VSTM2B: variants seen among roughly 807,000 people sequenced by gnomAD.
VSTM2B encodes V-set and transmembrane domain-containing protein 2B.
In VSTM2B, 24 loss-of-function variants were observed where a neutral mutation model predicts 24.0. The observed-to-expected ratio is 1.00, with a 90% CI of 0.72 to 1.40. The LOEUF is 1.40. Ranked by LOEUF, VSTM2B falls within the 40% of genes most tolerant of loss-of-function variation. VSTM2B has a pLI of 0.00. For synonymous variants in VSTM2B, 226 were observed against 194.4 expected (o/e 1.16, Z -1.35); for missense variants, 399 against 416.4 (o/e 0.96, Z 0.36).
intron 4 of VSTM2B, among the ~76,000 whole-genome samples, chr19:29,537,329 T>C (rs1969913407): frequency 6.6e-6 from 1 of 152,100 alleles, no homozygotes; most frequent in Non-Finnish European, 1.5e-5. Context: ...TGGGTTAGGG[T>C]GTAGCTGCTG....
chr19:29,553,931 A>C (rs1409573336), intron 4 of VSTM2B, among the ~76,000 whole-genome samples: 3 of 152,208 alleles, frequency 2.0e-5, no homozygotes, highest in Non-Finnish European at 2.9e-5. Flanking sequence ...ATGTAGAAAG[A>C]CCAAACCTAC....
At chr19:29,563,391 A>G (rs900334799) in intron 4 of VSTM2B, among the ~76,000 whole-genome samples, 2 of 151,970 alleles carry the variant, frequency 1.3e-5, no homozygotes, top group South Asian at 2.1e-4. Context: ...ATACAGGTGC[A>G]TGCCACCACA....
At position 29,526,986 on chromosome 19, in the gene VSTM2B, C is replaced by T. The variant is rs1200647359; in HGVS notation, c.83-225C>T. The T allele has an allele frequency of 6.0e-6, 3 of 496,266 alleles. No homozygotes were observed. Among genetic ancestry groups the T allele is most frequent in the Non-Finnish European group, 1.0e-5 (3 of 286,596 alleles). The allele number at this position is 496,266 out of a possible 1,614,324, so 30.7% of individuals were successfully genotyped here. ...GAGAAGCACGAGTCGCCCCTGCCGCCCCGCCCCATCCGGAGGGAAGCAGTA... is the reference window on the plus strand; with the variant it reads ...GAGAAGCACGAGTCGCCCCTGCCGCTCCGCCCCATCCGGAGGGAAGCAGTA... On this transcript the variant is annotated intron_variant, in intron 1 of 4. Transcript: ENST00000335523. This position sits in a 1 kb window ranked among gnomAD's most constrained non-coding sequence, Gnocchi z 4.1.
chr19:29,548,817 A>C (rs1970207478), intron 4 of VSTM2B, among the ~76,000 whole-genome samples: 1 of 152,198 alleles, frequency 6.6e-6, no homozygotes, highest in South Asian at 2.1e-4. Context: ...TAGGATGCAT[A>C]CCAGGCCTCC....
intron 4 of VSTM2B, among the ~76,000 whole-genome samples, chr19:29,554,815 A>C (rs1970371392): frequency 6.6e-6 from 1 of 152,138 alleles, no homozygotes; most frequent in Non-Finnish European, 1.5e-5. Flanking sequence ...TCAAAAAGAC[A>C]AAGGGCATTA....
intron 4 of VSTM2B, among the ~76,000 whole-genome samples, chr19:29,559,743 GC>G (rs1263573403): frequency 6.6e-6 from 1 of 152,152 alleles, no homozygotes; most frequent in Non-Finnish European, 1.5e-5. Flanking sequence ...TAAAGAAGAA[GC>G]TATGTCACCC....
At chr19:29,539,883 C>T (rs1403736808) in intron 4 of VSTM2B, among the ~76,000 whole-genome samples, 1 of 152,228 alleles carries the variant, frequency 6.6e-6, no homozygotes, top group Non-Finnish European at 1.5e-5. Flanking sequence ...CTGCCTCCCT[C>T]CCAGCACAGA....
In VSTM2B at chr19:29,526,776, A is replaced by C; in HGVS notation, c.82+111A>C. On this transcript the variant is annotated intron_variant, in intron 1 of 4. Transcript: ENST00000335523. This position sits in a 1 kb window ranked among gnomAD's most constrained non-coding sequence, Gnocchi z 4.1. ...CCGGGAAGCTTCGCGGTCTCCAGCA[A>C]TCCCGCTGTGCAGCCTGGGCCCGGA... 9.5e-7 allele frequency: 1 copy of C among 1,051,386 alleles called. No individual in the cohort carries two copies. The highest frequency in any genetic ancestry group is 1.4e-6 in the Non-Finnish European group (1 of 735,150). 65.1% of individuals were successfully genotyped at this position (1,051,386 alleles called of 1,614,324 possible).
intron 4 of VSTM2B, among the ~76,000 whole-genome samples, chr19:29,553,255 C>A (rs1453180395): frequency 6.6e-6 from 1 of 152,228 alleles, no homozygotes. Context: ...AGGCAGCCAT[C>A]TTTGCTGTTC....
intron 4 of VSTM2B, among the ~76,000 whole-genome samples, chr19:29,538,951 A>G (rs1167125338): frequency 6.6e-6 from 1 of 152,094 alleles, no homozygotes; most frequent in Non-Finnish European, 1.5e-5. Flanking sequence ...CATCCAAACC[A>G]TCTCAGTGAT....
At chr19:29,533,908 C>T (rs114161522) in intron 4 of VSTM2B, among the ~76,000 whole-genome samples, 9,154 of 152,226 alleles carry the variant, frequency 0.06, 347 homozygotes, top group African/African-American at 0.11. Context: ...TCGGGGCAGA[C>T]GACCTTGGGC....
chr19:29,535,644 C>T (rs1356863559), intron 4 of VSTM2B, among the ~76,000 whole-genome samples: 1 of 152,198 alleles, frequency 6.6e-6, no homozygotes, highest in African/African-American at 2.4e-5. Flanking sequence ...GCCATGGCAA[C>T]CGTAAACCGT....
intron 4 of VSTM2B, among the ~76,000 whole-genome samples, chr19:29,532,859 C>T (rs1005415473): frequency 1.3e-5 from 2 of 152,218 alleles, no homozygotes; most frequent in Non-Finnish European, 2.9e-5. Flanking sequence ...TGGTTAAAGA[C>T]CGGTCAAGAC....
At chr19:29,530,364 G>C in intron 4 of VSTM2B, 74 bp downstream of exon 4, 1 of 1,337,484 alleles carries the variant, frequency 7.5e-7, no homozygotes, top group African/African-American at 1.6e-5. Context: ...CGCCCCGGGG[G>C]GCTCCGGACC....
chr19:29,540,235 G>C (rs868844638), intron 4 of VSTM2B, among the ~76,000 whole-genome samples: 50 of 152,250 alleles, frequency 3.3e-4, no homozygotes, highest in African/African-American at 1.1e-3. Context: ...GGGGCAGGGA[G>C]CTACCCAGAG....
At chr19:29,529,727 G>C in intron 3 of VSTM2B, 92 bp from the exon 4 acceptor site, 1 of 1,253,996 alleles carries the variant, frequency 8.0e-7, no homozygotes, top group Non-Finnish European at 1.1e-6. Context: ...GAAGTGTTGG[G>C]GTGCGCGGAT....
chr19:29,533,228 G>A (rs372709043), intron 4 of VSTM2B, among the ~76,000 whole-genome samples: 6 of 152,330 alleles, frequency 3.9e-5, no homozygotes, highest in Admixed American at 2.0e-4. Flanking sequence ...CACCAGCCAC[G>A]GGGCCATATG....
In VSTM2B at chr19:29,529,905, C is replaced by T. The variant is rs1323097971; in HGVS notation, c.384C>T (p.Arg128=). The T allele has an allele frequency of 6.5e-7, 1 of 1,550,376 alleles. No homozygotes were observed. Among genetic ancestry groups the T allele is most frequent in the Admixed American group, 2.0e-5 (1 of 50,998 alleles). The change falls in exon 4 of 5, where the codon CGC becomes CGT. Residue 128 remains arginine, a synonymous_variant. Coordinates refer to ENST00000335523, the MANE Select transcript of VSTM2B (RefSeq NM_001146339.2). ...AGGACGAGGGCGTGTACGAGTGCCGCGTGTCGGACTACAGCGACGACGACA... is the reference window on the plus strand; with the variant it reads ...AGGACGAGGGCGTGTACGAGTGCCGTGTGTCGGACTACAGCGACGACGACA... ...RLQDEGVYEC[R]VSDYSDDDTQ...
intron 2 of VSTM2B, 24 bp downstream of exon 2, chr19:29,527,419 C>T (rs532690627): frequency 4.1e-6 from 6 of 1,452,306 alleles, no homozygotes; most frequent in Non-Finnish European, 5.4e-6. Flanking sequence ...CACGCGGTAC[C>T]GGCGCGCGCC....
Sources: allele counts gnomAD v4.1 joint callset (sites outside exome capture counted in the v4.1 genomes callset), GRCh38; gene constraint gnomAD v4.1.1; non-coding constraint Gnocchi (gnomAD v3.1); transcripts MANE v1.5; gene names NCBI Gene and HGNC (gene_info 2026-07-23, HGNC 2026-07-21).